ITGA6: variants seen among roughly 807,000 people sequenced by gnomAD.
The protein encoded by ITGA6 is integrin subunit alpha 6, also known as integrin alpha-6.
A neutral mutation model predicts 133.6 loss-of-function variants in ITGA6; 63 were observed. That is an observed-to-expected ratio of 0.47 (90% CI 0.38 to 0.58). The LOEUF (loss-of-function observed/expected upper bound fraction) is 0.58, where lower values mean the gene tolerates loss of function less well. Ranked by LOEUF, ITGA6 falls within the 20% of genes least tolerant of loss-of-function variation. The pLI is 0.00. For missense variants in ITGA6, 1,068 were observed against 1,309.4 expected (o/e 0.82, Z 2.85); for synonymous variants, 434 against 482.0 (o/e 0.90, Z 1.30).
chr2:172,475,615 C>A lies in ITGA6; in HGVS notation c.1199C>A (p.Pro400Gln). ...DGYPDIAVGA[P>Q]YDDLGKVFIY... ...TCAACAGATATTGCAGTTGGAGCTC[C>A]GTATGATGACTTGGGAAAGGTTTTT... Residue 400 changes from proline (P) to glutamine (Q), a missense_variant, in exon 8 of 26, where the codon CCG becomes CAG. Pro to Gln is a moderately conservative substitution (Grantham distance 76). Around this residue, in one of 3 missense-constraint regions of ITGA6, gnomAD observed 317 missense variants for 456.9 expected, o/e 0.69. Transcript: ENST00000684293. 6.2e-7 allele frequency: 1 copy of A among 1,600,854 alleles called. No individual in the cohort carries two copies. The highest frequency in any genetic ancestry group is 8.6e-7 in the Non-Finnish European group (1 of 1,167,986).
At chr2:172,446,001 G>A (rs554446596) in intron 1 of ITGA6, among the ~76,000 whole-genome samples, 23 of 152,392 alleles carry the variant, frequency 1.5e-4, no homozygotes, top group African/African-American at 3.6e-4. Flanking sequence ...GTTCAGTTGA[G>A]TAGTAGTTAT....
chr2:172,472,874 G>A (rs1161621418), intron 5 of ITGA6: 1 of 1,601,518 alleles, frequency 6.2e-7, no homozygotes, highest in African/African-American at 1.3e-5. Context: ...CTGATGTGAT[G>A]ATGAATAGCT....
chr2:172,474,274 G>C lies in ITGA6; in HGVS notation c.986+9G>C. The C allele has an allele frequency of 1.2e-6, 2 of 1,610,646 alleles. No homozygotes were observed. The highest frequency in any genetic ancestry group is 1.7e-6 in the Non-Finnish European group (2 of 1,177,032). On this transcript the variant is annotated intron_variant, in intron 6 of 25. Transcript: ENST00000684293. Reference sequence around the variant, plus strand: ...GACCTCAACAAGGATGGGTGAGAAAGCCTCAGGTTATATTATGCTGCAAAT... The same window carrying C: ...GACCTCAACAAGGATGGGTGAGAAACCCTCAGGTTATATTATGCTGCAAAT...
intron 3 of ITGA6, among the ~76,000 whole-genome samples, chr2:172,468,743 T>C (rs1056527700): frequency 1.1e-4 from 16 of 152,238 alleles, no homozygotes; most frequent in Non-Finnish European, 7.3e-5. Flanking sequence ...TTACCCACTT[T>C]CACACTGATG....
chr2:172,478,565 G>A (rs1024251026), intron 9 of ITGA6, among the ~76,000 whole-genome samples: 1 of 152,202 alleles, frequency 6.6e-6, no homozygotes, highest in Non-Finnish European at 1.5e-5. Context: ...ACAGACCCGT[G>A]GAGACCCCTG....
At chr2:172,490,375 T>A (rs13389355) in intron 20 of ITGA6, among the ~76,000 whole-genome samples, 4,660 of 152,274 alleles carry the variant, frequency 0.031, 229 homozygotes, top group African/African-American at 0.11. Context: ...TCATTTGTGT[T>A]CCAGTTTGAT....
intron 9 of ITGA6, among the ~76,000 whole-genome samples, chr2:172,477,094 T>C (rs554506719): frequency 6.7e-6 from 1 of 148,890 alleles, no homozygotes; most frequent in African/African-American, 2.5e-5. Context: ...ATGGTTACGT[T>C]GCTTCGCAAT....
At chr2:172,443,892 G>A (rs116142871) in intron 1 of ITGA6, among the ~76,000 whole-genome samples, 2,705 of 152,152 alleles carry the variant, frequency 0.018, 82 homozygotes, top group African/African-American at 0.061. Flanking sequence ...CTCCCGCCTC[G>A]GCCTCCCGAG....
At chr2:172,445,906 A>C (rs1684749873) in intron 1 of ITGA6, among the ~76,000 whole-genome samples, 1 of 152,240 alleles carries the variant, frequency 6.6e-6, no homozygotes, top group African/African-American at 2.4e-5. Flanking sequence ...TCTAAGGAAA[A>C]TTATTGGAAG....
intron 1 of ITGA6, among the ~76,000 whole-genome samples, chr2:172,447,745 A>C (rs751861054): frequency 6.6e-6 from 1 of 152,214 alleles, no homozygotes; most frequent in Non-Finnish European, 1.5e-5. Flanking sequence ...CCAGAATTCC[A>C]GAATTCTTTT....
At chr2:172,502,170 G>T (rs1212411692) in intron 25 of ITGA6, among the ~76,000 whole-genome samples, 1 of 152,010 alleles carries the variant, frequency 6.6e-6, no homozygotes, top group Non-Finnish European at 1.5e-5. Flanking sequence ...TGCAATATTT[G>T]TACACACAAA....
At position 172,465,634 on chromosome 2, in the gene ITGA6, C is replaced by G. The variant is rs1222297388; in HGVS notation, c.278C>G (p.Pro93Arg). The G allele has an allele frequency of 6.2e-7, 1 of 1,614,244 alleles. No homozygotes were observed. The highest frequency in any genetic ancestry group is 8.5e-7 in the Non-Finnish European group (1 of 1,180,044). The change falls in exon 2 of 26, where the codon CCA becomes CGA. Residue 93 changes from proline to arginine, a missense_variant. Pro to Arg is a moderately radical substitution (Grantham distance 103, BLOSUM62 -2). Coordinates refer to ENST00000684293, the MANE Select transcript of ITGA6 (RefSeq NM_000210.4). ...LYSCDITARG[P>R]CTRIEFDNDA... ...AGCTGCGACATCACCGCCCGGGGGCCATGCACGCGGATCGAGTTTGATAAC... is the reference window on the plus strand; with the variant it reads ...AGCTGCGACATCACCGCCCGGGGGCGATGCACGCGGATCGAGTTTGATAAC...
chr2:172,489,692 A>G (rs769109157), intron 20 of ITGA6, 34 bp downstream of exon 20: 2 of 1,573,422 alleles, frequency 1.3e-6, no homozygotes, highest in East Asian at 4.5e-5. Context: ...GTCTCCATAA[A>G]TGCAAATTAG....
chr2:172,453,912 C>T (rs1369857496), intron 1 of ITGA6, among the ~76,000 whole-genome samples: 1 of 152,112 alleles, frequency 6.6e-6, no homozygotes, highest in Non-Finnish European at 1.5e-5. Flanking sequence ...CAGGTGTGGC[C>T]CCTGCCCCCA....
chr2:172,435,538 A>G (rs553286576), intron 1 of ITGA6, among the ~76,000 whole-genome samples: 1 of 152,194 alleles, frequency 6.6e-6, no homozygotes, highest in South Asian at 2.1e-4. Flanking sequence ...TTGTTTTCCA[A>G]TCAAAGGTGC....
chr2:172,471,560 T>A (rs976887498), intron 5 of ITGA6, among the ~76,000 whole-genome samples: 5 of 152,194 alleles, frequency 3.3e-5, no homozygotes, highest in Admixed American at 6.5e-5. Context: ...AGGTCCTCCC[T>A]CTGTGATTGT....
Position 172,491,332 on chromosome 2 carries a change from G to T in ITGA6, c.2889+1G>T, listed in dbSNP as rs1388400056. On this transcript the variant is annotated splice_donor_variant, in intron 22 of 25. Transcript: ENST00000684293. LOFTEE classifies it high-confidence loss of function. This position sits in a 1 kb window ranked among gnomAD's most constrained non-coding sequence, Gnocchi z 4.4. ...GTTATGGAACAGCACATTTCTAGAG[G>T]TATGACCTTGGCTTGAGGCTGTCCC... is the stretch of plus-strand genomic sequence containing the variant. 6.3e-7 allele frequency: 1 copy of T among 1,599,908 alleles called. No individual in the cohort carries two copies. Among genetic ancestry groups the T allele is most frequent in the Admixed American group, 1.7e-5 (1 of 60,008 alleles).
At chr2:172,460,045 G>A (rs1462023606) in intron 1 of ITGA6, among the ~76,000 whole-genome samples, 1 of 152,208 alleles carries the variant, frequency 6.6e-6, no homozygotes. Context: ...AGTACACAAA[G>A]CAATTGATAG....
intron 1 of ITGA6, chr2:172,428,698 G>A (rs372818823): frequency 6.6e-6 from 1 of 152,198 alleles, no homozygotes; most frequent in East Asian, 1.9e-4. Context: ...TGCGTTGGGC[G>A]GGCACAGCCA....
Sources: gnomAD v4.1 joint callset for allele counts (sites outside exome capture counted in the v4.1 genomes callset) on GRCh38, gnomAD v4.1.1 for gene constraint, gnomAD v4.1.1 regional missense constraint, Gnocchi (gnomAD v3.1) non-coding constraint, MANE v1.5 for transcripts, NCBI Gene and HGNC (gene_info 2026-07-23, HGNC 2026-07-21) for gene names.